GPR158: variants seen among roughly 807,000 people sequenced by gnomAD.
GPR158 encodes metabotropic glycine receptor.
A neutral mutation model predicts 78.2 loss-of-function variants in GPR158; 30 were observed. The observed-to-expected ratio is 0.38, with a 90% CI of 0.29 to 0.52. The LOEUF is 0.52. Ranked by LOEUF, GPR158 falls within the 20% of genes least tolerant of loss-of-function variation. The probability of loss-of-function intolerance (pLI) is 0.83; values close to 1 mark genes in which losing one functional copy is unlikely to be tolerated. For missense variants in GPR158, 1,463 were observed against 1,523.5 expected (o/e 0.96, Z 0.66); for synonymous variants, 581 against 591.1 (o/e 0.98, Z 0.25).
chr10:25,475,479 G>T (rs1359432880), intron 5 of GPR158: 1 of 151,992 alleles, frequency 6.6e-6, no homozygotes, highest in South Asian at 2.1e-4. Context: ...ATAAAGATTT[G>T]GATGCAGCAT....
intron 2 of GPR158, among the ~76,000 whole-genome samples, chr10:25,240,759 T>C (rs1365887955): frequency 1.3e-5 from 2 of 152,220 alleles, no homozygotes; most frequent in Non-Finnish European, 2.9e-5. Flanking sequence ...TATCAGAATT[T>C]AGTATCAATA....
chr10:25,375,306 T>A (rs1304234002), intron 2 of GPR158, among the ~76,000 whole-genome samples: 3 of 151,580 alleles, frequency 2.0e-5, no homozygotes, highest in African/African-American at 7.2e-5. Flanking sequence ...CTTGCCATCA[T>A]TTCTCCCAAC....
chr10:25,444,854 G>GA (rs1835119705), intron 4 of GPR158, among the ~76,000 whole-genome samples: 1 of 152,126 alleles, frequency 6.6e-6, no homozygotes, highest in Non-Finnish European at 1.5e-5. Context: ...GTAGTCATGT[G>GA]ATGTATGCTT....
intron 3 of GPR158, 80 bp from the exon 4 acceptor site, chr10:25,412,170 C>T (rs760925533): frequency 5.4e-5 from 49 of 915,598 alleles, no homozygotes; most frequent in Non-Finnish European, 7.4e-5. Flanking sequence ...TGAGGAGTCA[C>T]GGATGTCTTT....
chr10:25,517,040 G>C (rs559687501), intron 5 of GPR158, among the ~76,000 whole-genome samples: 1 of 149,936 alleles, frequency 6.7e-6, no homozygotes, highest in South Asian at 2.1e-4. Context: ...ATCCTCTTTT[G>C]TTTCATTGAG....
At chr10:25,418,124 G>A (rs541022687) in intron 4 of GPR158, among the ~76,000 whole-genome samples, 1 of 152,132 alleles carries the variant, frequency 6.6e-6, no homozygotes, top group South Asian at 2.1e-4. Flanking sequence ...AGAGTTCTCT[G>A]TTCTCAAATG....
At chr10:25,498,468 C>G (rs2130655205) in intron 5 of GPR158, among the ~76,000 whole-genome samples, 1 of 152,256 alleles carries the variant, frequency 6.6e-6, no homozygotes, top group Middle Eastern at 3.4e-3. Flanking sequence ...TCAAGGGATA[C>G]TTACTGTGAT....
At chr10:25,179,920 A>G (rs1564384083) in intron 1 of GPR158, among the ~76,000 whole-genome samples, 1 of 152,094 alleles carries the variant, frequency 6.6e-6, no homozygotes, top group Non-Finnish European at 1.5e-5. Flanking sequence ...TTGTTTGCAT[A>G]ATGATTTTTC....
chr10:25,204,818 G>GGTTTT lies in GPR158; in HGVS notation c.903-16234_903-16233insGTTTT, dbSNP rs1483084808. The stretch of plus-strand genomic sequence containing the variant: ...GAGGTGTTCAAAGTAGTCTCTGAGG[G>GGTTTT]TTTTTTTTTTTTTTTTTTGTCATTT... On this transcript the variant is annotated intron_variant, in intron 1 of 10. Coordinates refer to ENST00000376351, the MANE Select transcript of GPR158 (RefSeq NM_020752.3). Among the ~76,000 whole-genome samples, 686 of 118,912 alleles carry GGTTTT rather than the reference G, an allele frequency of 5.8e-3. 8 individuals carry two copies. Among genetic ancestry groups the GGTTTT allele is most frequent in the African/African-American group, 0.022 (646 of 29,334 alleles). The allele number at this position is 118,912 out of a possible 152,430, so 78.0% of individuals were successfully genotyped here.
intron 2 of GPR158, among the ~76,000 whole-genome samples, chr10:25,276,878 A>G (rs888304099): frequency 2.0e-5 from 3 of 152,196 alleles, no homozygotes; most frequent in African/African-American, 7.2e-5. Context: ...AGGACATAAA[A>G]GAACAGTGAA....
intron 2 of GPR158, among the ~76,000 whole-genome samples, chr10:25,372,371 G>T (rs537677680): frequency 6.6e-6 from 1 of 151,488 alleles, no homozygotes; most frequent in South Asian, 2.1e-4. Flanking sequence ...TATACCCAAA[G>T]GGCTGTAAAT....
intron 2 of GPR158, among the ~76,000 whole-genome samples, chr10:25,315,305 T>A (rs970688458): frequency 6.6e-6 from 1 of 152,148 alleles, no homozygotes; most frequent in Non-Finnish European, 1.5e-5. Context: ...AATTGGTGCA[T>A]GAGTATTCAT....
At chr10:25,472,420 A>G (rs909304198) in intron 5 of GPR158, among the ~76,000 whole-genome samples, 10 of 152,022 alleles carry the variant, frequency 6.6e-5, no homozygotes, top group Non-Finnish European at 1.3e-4. Context: ...TTGTTCTTTC[A>G]GCTTAGGATG....
chr10:25,278,037 C>G (rs914487107), intron 2 of GPR158, among the ~76,000 whole-genome samples: 3 of 152,108 alleles, frequency 2.0e-5, no homozygotes, highest in Non-Finnish European at 4.4e-5. Context: ...CAGCTCAAGA[C>G]CTCAAAATTC....
intron 2 of GPR158, among the ~76,000 whole-genome samples, chr10:25,363,875 A>G (rs1214682049): frequency 6.6e-6 from 1 of 151,970 alleles, no homozygotes; most frequent in Non-Finnish European, 1.5e-5. Flanking sequence ...ATTACATAAA[A>G]GTTGAACTAG....
At chr10:25,257,382 C>T (rs1853903604) in intron 2 of GPR158, among the ~76,000 whole-genome samples, 1 of 152,144 alleles carries the variant, frequency 6.6e-6, no homozygotes, top group Admixed American at 6.6e-5. Context: ...ATAGGAATGC[C>T]TCTTAATACA....
chr10:25,517,601 A>T lies in GPR158; in HGVS notation c.1405-33375A>T, dbSNP rs1285145931. Reference sequence around the variant, plus strand: ...CATGAAGGGTTGTTGAATTTTGTCAAAGGCCTTTTCTGCATCTATTGAGAT... The same window carrying T: ...CATGAAGGGTTGTTGAATTTTGTCATAGGCCTTTTCTGCATCTATTGAGAT... On this transcript the variant is annotated intron_variant, in intron 5 of 10. Coordinates refer to ENST00000376351, the MANE Select transcript of GPR158 (RefSeq NM_020752.3). Among the ~76,000 whole-genome samples the T allele has an allele frequency of 1.3e-4, 20 of 152,224 alleles. No individual in the cohort carries two copies. In the South Asian group the frequency reaches 3.9e-3, roughly 30 times the overall value.
rs569632042 is a variant in GPR158, at chr10:25,208,850, C to CT, written c.903-12186dup. Reference sequence around the variant, plus strand: ...TGTTTTTTTCTTTCTTTCTTTCCTTCTTTTTTTTTTTTTTTTGAGATGGAG... The same window carrying CT: ...TGTTTTTTTCTTTCTTTCTTTCCTTCTTTTTTTTTTTTTTTTTGAGATGGAG... On this transcript the variant is annotated intron_variant, in intron 1 of 10. Transcript: ENST00000376351. Among the ~76,000 whole-genome samples, 709 of 135,032 alleles carry CT rather than the reference C, an allele frequency of 5.3e-3. 4 individuals are homozygous for CT. The highest frequency in any genetic ancestry group is 0.034 in the East Asian group (163 of 4,760). 88.6% of individuals were successfully genotyped at this position (135,032 alleles called of 152,430 possible).
chr10:25,180,949 A>G (rs766044456), intron 1 of GPR158, among the ~76,000 whole-genome samples: 1 of 152,178 alleles, frequency 6.6e-6, no homozygotes, highest in Non-Finnish European at 1.5e-5. Flanking sequence ...GAAACTAATG[A>G]ACATTAGTGT....
Sources: allele counts gnomAD v4.1 joint callset (sites outside exome capture counted in the v4.1 genomes callset), GRCh38; gene constraint gnomAD v4.1.1; transcripts MANE v1.5; gene names NCBI Gene and HGNC (gene_info 2026-07-23, HGNC 2026-07-21).